The following SLC2A13 variants were observed in gnomAD, a reference collection of about 807,000 sequenced individuals.
The protein encoded by SLC2A13 is solute carrier family 2 member 13.
A neutral mutation model predicts 64.4 loss-of-function variants in SLC2A13; 32 were observed. The observed-to-expected ratio is 0.50, with a 90% CI of 0.37 to 0.67. The LOEUF (loss-of-function observed/expected upper bound fraction) is 0.67. SLC2A13 is among the 30% of genes least tolerant of loss of function. The pLI, the probability that SLC2A13 is intolerant of heterozygous loss-of-function variation, is 0.00. For missense variants in SLC2A13, 743 were observed against 829.2 expected (o/e 0.90, Z 1.28); for synonymous variants, 338 against 327.1 (o/e 1.03, Z -0.36).
intron 2 of SLC2A13, among the ~76,000 whole-genome samples, chr12:40,031,689 G>GT (rs1306318509): frequency 1.3e-5 from 2 of 152,166 alleles, no homozygotes; most frequent in Non-Finnish European, 2.9e-5. Flanking sequence ...TGTTCTGGCT[G>GT]TATCACCCAA....
chr12:39,882,333 A>G (rs908983685), intron 4 of SLC2A13, among the ~76,000 whole-genome samples: 4 of 152,186 alleles, frequency 2.6e-5, no homozygotes, highest in African/African-American at 9.7e-5. Context: ...GGTGATGCTG[A>G]TCCTGCTTTG....
At chr12:39,907,234 T>G (rs1440816631) in intron 4 of SLC2A13, among the ~76,000 whole-genome samples, 2 of 152,158 alleles carry the variant, frequency 1.3e-5, no homozygotes, top group Admixed American at 1.3e-4. Context: ...ATTTAGTCTT[T>G]CAAATATTTT....
chr12:40,033,256 C>T (rs2136221635), intron 2 of SLC2A13, among the ~76,000 whole-genome samples: 1 of 152,284 alleles, frequency 6.6e-6, no homozygotes, highest in Non-Finnish European at 1.5e-5. Context: ...TCAATAATTA[C>T]TTGATAATTA....
chr12:39,891,740 G>C (rs10877733), intron 4 of SLC2A13, among the ~76,000 whole-genome samples: 66,302 of 151,954 alleles, frequency 0.44, 15,014 homozygotes, highest in Middle Eastern at 0.53. Flanking sequence ...ACAGGAATAG[G>C]CTCAGATCAG....
At chr12:40,027,676 C>T (rs926701215) in intron 3 of SLC2A13, among the ~76,000 whole-genome samples, 2 of 152,112 alleles carry the variant, frequency 1.3e-5, no homozygotes, top group Non-Finnish European at 2.9e-5. Context: ...CAAAAGGAAG[C>T]GCAAGAGAAA....
At chr12:39,896,757 A>G (rs1422846848) in intron 4 of SLC2A13, among the ~76,000 whole-genome samples, 1 of 152,018 alleles carries the variant, frequency 6.6e-6, no homozygotes, top group Non-Finnish European at 1.5e-5. Flanking sequence ...TTTCTATTAT[A>G]TTTTTCACAT....
chr12:40,077,911 C>T (rs141648350), intron 1 of SLC2A13, among the ~76,000 whole-genome samples: 383 of 152,148 alleles, frequency 2.5e-3, no homozygotes, highest in African/African-American at 8.9e-3. Flanking sequence ...ATTTTTGTGG[C>T]TTTTGTGAAT....
At position 40,027,226 on chromosome 12, in the gene SLC2A13, G is replaced by A. The variant is rs569366570; in HGVS notation, c.925+1075C>T. 2.0e-5 allele frequency among the ~76,000 whole-genome samples: 3 copies of A among 152,144 alleles called. No homozygotes were observed. In the South Asian group the frequency reaches 6.2e-4, roughly 32 times the overall value. ...TAACTCAGTAAAAGTAAAACTTTTT[G>A]TTAAAGCAAAATTCTCCTTAATCTT... On this transcript the variant is annotated intron_variant, in intron 3 of 9. Coordinates refer to ENST00000280871, the MANE Select transcript of SLC2A13 (RefSeq NM_052885.4).
chr12:39,802,646 T>C lies in SLC2A13; in HGVS notation c.1445+27457A>G, dbSNP rs143920728. On this transcript the variant is annotated intron_variant, in intron 7 of 9. Coordinates refer to ENST00000280871, the MANE Select transcript of SLC2A13 (RefSeq NM_052885.4). ...TTATCTATTTATCTGTCTAGAACTA[T>C]ATGTATATATAGTTACATATTTATA... Among the ~76,000 whole-genome samples, 517 of 152,332 alleles carry C rather than the reference T, an allele frequency of 3.4e-3. 8 individuals carry two copies. Among genetic ancestry groups the C allele is most frequent in the African/African-American group, 0.012 (505 of 41,582 alleles).
In SLC2A13 at chr12:40,065,081, T is replaced by C. The variant is rs533706010; in HGVS notation, c.557-16871A>G. Among the ~76,000 whole-genome samples the C allele has an allele frequency of 2.0e-3, 303 of 152,144 alleles. 1 individual carries two copies. The highest frequency in any genetic ancestry group is 2.8e-3 in the Non-Finnish European group (190 of 67,974). ...TATCTTGAAAAGCTTAAATTTTAGATACTAAAAAAATGAGATAGAACAGCA... is the reference window on the plus strand; with the variant it reads ...TATCTTGAAAAGCTTAAATTTTAGACACTAAAAAAATGAGATAGAACAGCA... On this transcript the variant is annotated intron_variant, in intron 1 of 9. Coordinates refer to ENST00000280871, the MANE Select transcript of SLC2A13 (RefSeq NM_052885.4).
chr12:39,901,049 T>G (rs984844839), intron 4 of SLC2A13, among the ~76,000 whole-genome samples: 12 of 152,086 alleles, frequency 7.9e-5, no homozygotes, highest in Admixed American at 7.9e-4. Context: ...TCTACAACCA[T>G]CTGATCTTTG....
intron 4 of SLC2A13, among the ~76,000 whole-genome samples, chr12:39,884,595 A>G (rs1467733233): frequency 6.6e-6 from 1 of 152,214 alleles, no homozygotes; most frequent in Non-Finnish European, 1.5e-5. Flanking sequence ...AGCAGAAGAT[A>G]CAAAGGCAAT....
intron 6 of SLC2A13, among the ~76,000 whole-genome samples, chr12:39,841,892 T>G (rs1267764327): frequency 1.3e-5 from 2 of 152,170 alleles, no homozygotes; most frequent in Non-Finnish European, 2.9e-5. Context: ...GCTATGAAGA[T>G]TTTTGAGGGT....
At chr12:39,906,794 C>T (rs1026843877) in intron 4 of SLC2A13, among the ~76,000 whole-genome samples, 1 of 151,988 alleles carries the variant, frequency 6.6e-6, no homozygotes, top group Non-Finnish European at 1.5e-5. Context: ...TTAAATTGAA[C>T]GTTGATAAAG....
intron 6 of SLC2A13, among the ~76,000 whole-genome samples, chr12:39,837,802 C>T (rs1943058285): frequency 6.6e-6 from 1 of 152,126 alleles, no homozygotes; most frequent in African/African-American, 2.4e-5. Flanking sequence ...TACCATCTCA[C>T]ACCAGTTAGA....
intron 1 of SLC2A13, among the ~76,000 whole-genome samples, chr12:40,062,831 T>C (rs922485506): frequency 6.6e-6 from 1 of 152,164 alleles, no homozygotes; most frequent in African/African-American, 2.4e-5. Flanking sequence ...ACTGATTTAC[T>C]ACCCTGCTTT....
At chr12:40,009,721 C>T (rs1185319257) in intron 3 of SLC2A13, among the ~76,000 whole-genome samples, 1 of 152,180 alleles carries the variant, frequency 6.6e-6, no homozygotes, top group African/African-American at 2.4e-5. Context: ...AGGCATGAGC[C>T]ATCATGCCTG....
chr12:40,074,700 T>C (rs1938099413), intron 1 of SLC2A13, among the ~76,000 whole-genome samples: 1 of 152,158 alleles, frequency 6.6e-6, no homozygotes, highest in African/African-American at 2.4e-5. Context: ...CTTCAGCCCA[T>C]TTTTCCCCCT....
chr12:39,883,109 T>C (rs536313556), intron 4 of SLC2A13, among the ~76,000 whole-genome samples: 3 of 152,328 alleles, frequency 2.0e-5, no homozygotes, highest in African/African-American at 7.2e-5. Flanking sequence ...TTTTAAAGTA[T>C]ATAATTCAGT....
Sources: gnomAD v4.1 joint callset for allele counts (sites outside exome capture counted in the v4.1 genomes callset) on GRCh38, gnomAD v4.1.1 for gene constraint, MANE v1.5 for transcripts, NCBI Gene and HGNC (gene_info 2026-07-23, HGNC 2026-07-21) for gene names.